PRELID2: variants seen among roughly 807,000 people sequenced by gnomAD.
PRELID2 encodes PRELI domain-containing protein 2.
Under a neutral mutation model 28.4 loss-of-function variants are expected in PRELID2, and 25 were observed. That is an observed-to-expected ratio of 0.88 (90% CI 0.64 to 1.23). The LOEUF (loss-of-function observed/expected upper bound fraction) is 1.23. Ranked by LOEUF, PRELID2 falls within the 50% of genes most tolerant of loss-of-function variation. PRELID2 has a pLI of 0.00. For missense variants in PRELID2, 201 were observed against 214.4 expected (o/e 0.94, Z 0.39); for synonymous variants, 76 against 71.6 (o/e 1.06, Z -0.31).
intron 1 of PRELID2, among the ~76,000 whole-genome samples, chr5:145,539,527 G>T (rs1752729448): frequency 6.6e-6 from 1 of 151,662 alleles, no homozygotes; most frequent in African/African-American, 2.4e-5. Context: ...ATCTCACCCT[G>T]TTTTTTTCCT....
chr5:145,740,603 A>T (rs71592183), intron 1 of PRELID2, among the ~76,000 whole-genome samples: 156 of 4,356 alleles, frequency 0.036, 3 homozygotes, highest in African/African-American at 0.059. Flanking sequence ...ATATATATAT[A>T]TTATATATAT....
chr5:145,375,717 G>A, the PRELID2 span, among the ~76,000 whole-genome samples: 1 of 152,136 alleles, frequency 6.6e-6, no homozygotes, highest in South Asian at 2.1e-4. Flanking sequence ...AGTGAGGAAG[G>A]ATGAGTCATG....
chr5:145,632,177 A>G (rs1753942370), intron 1 of PRELID2, among the ~76,000 whole-genome samples: 1 of 152,062 alleles, frequency 6.6e-6, no homozygotes. Flanking sequence ...CCTATCTCCC[A>G]TCCTTAGGTA....
At chr5:145,260,066 G>A in the PRELID2 span, among the ~76,000 whole-genome samples, 782 of 152,070 alleles carry the variant, frequency 5.1e-3, 29 homozygotes, top group Admixed American at 0.035. Context: ...ACCTCCCCTC[G>A]CACTCTCTTT....
At chr5:145,639,568 A>C (rs1210447564) in intron 1 of PRELID2, among the ~76,000 whole-genome samples, 4 of 152,208 alleles carry the variant, frequency 2.6e-5, no homozygotes, top group Admixed American at 2.6e-4. Context: ...ATGAGCTTAC[A>C]AACATAGTAC....
the PRELID2 span, among the ~76,000 whole-genome samples, chr5:145,256,458 C>T: frequency 6.6e-6 from 1 of 151,968 alleles, no homozygotes; most frequent in African/African-American, 2.4e-5. Context: ...GATCCAGAAT[C>T]ATATCCTTAT....
At chr5:145,427,191 T>A in the PRELID2 span, among the ~76,000 whole-genome samples, 1 of 152,240 alleles carries the variant, frequency 6.6e-6, no homozygotes, top group African/African-American at 2.4e-5. Flanking sequence ...CTGCCAAGAT[T>A]GGAGCTGCTG....
At chr5:145,469,688 T>C (rs1752034306), downstream of PRELID2, among the ~76,000 whole-genome samples, 1 of 152,082 alleles carries the variant, frequency 6.6e-6, no homozygotes, top group African/African-American at 2.4e-5. Flanking sequence ...ATAGTTAACT[T>C]CATCTGACAA....
the PRELID2 span, chr5:145,429,758 G>C: frequency 6.6e-6 from 1 of 152,302 alleles, no homozygotes; most frequent in South Asian, 2.1e-4. Flanking sequence ...ATTCTAGGCT[G>C]GTGTTATGAC....
At chr5:145,283,313 C>T in the PRELID2 span, among the ~76,000 whole-genome samples, 1 of 152,040 alleles carries the variant, frequency 6.6e-6, no homozygotes, top group East Asian at 1.9e-4. Context: ...AATTACGCAA[C>T]TGGGGGGGAA....
chr5:145,467,028 A>G (rs1443473074), downstream of PRELID2, among the ~76,000 whole-genome samples: 1 of 152,132 alleles, frequency 6.6e-6, no homozygotes, highest in Non-Finnish European at 1.5e-5. Context: ...AAGGTCTCCA[A>G]TGACCCTTTG....
At chr5:145,521,430 A>G (rs1317825228) in intron 1 of PRELID2, among the ~76,000 whole-genome samples, 1 of 152,162 alleles carries the variant, frequency 6.6e-6, no homozygotes, top group Admixed American at 6.5e-5. Context: ...GGAAAACTGG[A>G]GCAGACTCCA....
At chr5:145,333,364 G>C in the PRELID2 span, among the ~76,000 whole-genome samples, 8 of 152,164 alleles carry the variant, frequency 5.3e-5, no homozygotes, top group African/African-American at 1.9e-4. Context: ...TTGAAGGTGT[G>C]CCCACAGCTT....
At chr5:145,476,817 G>C (rs181671815) in intron 1 of PRELID2, among the ~76,000 whole-genome samples, 1 of 151,920 alleles carries the variant, frequency 6.6e-6, no homozygotes, top group Non-Finnish European at 1.5e-5. Context: ...CCCCAAAAGC[G>C]CACAGAGGAA....
At chr5:145,449,493 T>C in the PRELID2 span, among the ~76,000 whole-genome samples, 2 of 152,104 alleles carry the variant, frequency 1.3e-5, no homozygotes, top group Non-Finnish European at 1.5e-5. Flanking sequence ...TGCTCTTCTG[T>C]TCATCAGCTC....
intron 1 of PRELID2, among the ~76,000 whole-genome samples, chr5:145,652,088 C>T (rs970714244): frequency 7.9e-5 from 12 of 152,038 alleles, no homozygotes; most frequent in African/African-American, 2.4e-4. Flanking sequence ...AACCATGGCA[C>T]GAGAACTACA....
chr5:145,473,653 G>A (rs1752074924), intron 1 of PRELID2, among the ~76,000 whole-genome samples: 1 of 152,192 alleles, frequency 6.6e-6, no homozygotes, highest in Admixed American at 6.6e-5. Flanking sequence ...AGTAAAATTT[G>A]GAGGGCACAT....
At chr5:145,498,569 G>C (rs1446954145) in intron 1 of PRELID2, among the ~76,000 whole-genome samples, 2 of 152,020 alleles carry the variant, frequency 1.3e-5, no homozygotes, top group African/African-American at 4.8e-5. Context: ...TCACTCTGTT[G>C]CCTAGGATGG....
At chr5:145,320,257 C>T in the PRELID2 span, among the ~76,000 whole-genome samples, 5 of 152,026 alleles carry the variant, frequency 3.3e-5, no homozygotes, top group Admixed American at 2.6e-4. Flanking sequence ...TATCAAAACC[C>T]ATCAGCACTC....
Sources: gnomAD v4.1 joint callset for allele counts (sites outside exome capture counted in the v4.1 genomes callset) on GRCh38, gnomAD v4.1.1 for gene constraint, MANE v1.5 for transcripts, NCBI Gene and HGNC (gene_info 2026-07-23, HGNC 2026-07-21) for gene names.